ARAP2: variants seen among roughly 807,000 people sequenced by gnomAD.
The protein encoded by ARAP2 is ArfGAP with RhoGAP domain, ankyrin repeat and PH domain 2, also known as arf-GAP with Rho-GAP domain, ANK repeat and PH domain-containing protein 2.
ARAP2 carries 148 observed loss-of-function variants against 194.5 expected under a neutral mutation model. The ratio of observed to expected loss-of-function variants is 0.76; its 90% CI spans 0.67 to 0.87. The LOEUF (loss-of-function observed/expected upper bound fraction) is 0.87, where lower values mean the gene tolerates loss of function less well. Ranked by LOEUF, ARAP2 falls within the 40% of genes least tolerant of loss-of-function variation. ARAP2 has a pLI of 0.00. For synonymous variants in ARAP2, 695 were observed against 683.5 expected (o/e 1.02, Z -0.26); for missense variants, 2,128 against 1,989.7 (o/e 1.07, Z -1.32).
chr4:36,095,526 C>T (rs1221709534), intron 27 of ARAP2, among the ~76,000 whole-genome samples: 1 of 152,114 alleles, frequency 6.6e-6, no homozygotes, highest in African/African-American at 2.4e-5. Flanking sequence ...ACACTTTGTG[C>T]TCCTGTGTAC....
intron 19 of ARAP2, among the ~76,000 whole-genome samples, chr4:36,141,284 G>A (rs4569781): frequency 0.32 from 48,747 of 151,254 alleles, 8,925 homozygotes; most frequent in East Asian, 0.46. Context: ...AAAAGCACAG[G>A]ATCTAAGTCC....
Position 36,082,240 on chromosome 4 carries a change from T to C in ARAP2, c.4544+11A>G, listed in dbSNP as rs2109348787. 2 of 1,610,032 alleles carry C rather than the reference T, an allele frequency of 1.2e-6. No homozygotes were observed. The highest frequency in any genetic ancestry group is 1.7e-5 in the Admixed American group (1 of 59,702). On this transcript the variant is annotated intron_variant, in intron 30 of 32. Transcript: ENST00000303965. ...TATATTATGTCCAAAAGTTGTCAGCTGTTAACTTACCAGTGATGTTTCTCA... is the reference window on the plus strand; with the variant it reads ...TATATTATGTCCAAAAGTTGTCAGCCGTTAACTTACCAGTGATGTTTCTCA...
intron 6 of ARAP2, among the ~76,000 whole-genome samples, chr4:36,205,657 A>AT (rs1745388266): frequency 1.3e-5 from 2 of 152,226 alleles, no homozygotes; most frequent in South Asian, 4.1e-4. Context: ...AGTGAGGCCC[A>AT]AAGTTACCTA....
At chr4:36,020,890 T>C (rs969858686) in intron 5 of ARAP2, among the ~76,000 whole-genome samples, 2 of 152,286 alleles carry the variant, frequency 1.3e-5, no homozygotes, top group Non-Finnish European at 1.5e-5. Context: ...AAGTTTGGAA[T>C]AGTGAATGAT....
downstream of ARAP2, among the ~76,000 whole-genome samples, chr4:36,061,957 G>A (rs562269557): frequency 6.6e-5 from 10 of 152,246 alleles, no homozygotes; most frequent in African/African-American, 2.4e-4. Flanking sequence ...CTTTTAAGAA[G>A]GGTATATTCA....
chr4:36,241,723 CTT>C (rs1346382785), intron 1 of ARAP2, among the ~76,000 whole-genome samples: 2 of 152,162 alleles, frequency 1.3e-5, no homozygotes, highest in East Asian at 1.9e-4. Context: ...AAAAAAAACA[CTT>C]AAATTGTAAT....
Position 36,019,283 on chromosome 4 carries a change from T to A in ARAP2, n.611A>T, listed in dbSNP as rs961924510. 3 of 149,380 alleles carry A rather than the reference T, an allele frequency of 2.0e-5. 1 individual carries two copies. Among genetic ancestry groups the A allele is most frequent in the African/African-American group, 7.7e-5 (3 of 38,740 alleles). The allele number at this position is 149,380 out of a possible 1,614,324, so 9.3% of individuals were successfully genotyped here. A position where few individuals can be genotyped will look rare whatever the true frequency, so the allele number is the denominator to read the frequency against. On this transcript the variant is annotated non_coding_transcript_exon_variant, in exon 6 of 13. Coordinates refer to the ARAP2 transcript ENST00000503225. ...ACAGCGGCATTTTGCTGATGTATCA[T>A]ATACTGTTAATGGTTGGATATCACA... is the stretch of plus-strand genomic sequence containing the variant.
At chr4:36,051,716 C>G (rs1722699746) in intron 3 of ARAP2, among the ~76,000 whole-genome samples, 1 of 152,136 alleles carries the variant, frequency 6.6e-6, no homozygotes, top group African/African-American at 2.4e-5. Context: ...AATTATCCTT[C>G]TTGCTTTAAC....
intron 8 of ARAP2, among the ~76,000 whole-genome samples, chr4:36,186,992 G>A (rs546276176): frequency 7.2e-5 from 11 of 152,288 alleles, no homozygotes; most frequent in Non-Finnish European, 1.3e-4. Context: ...CCCCACCACC[G>A]GTTCATGGAA....
chr4:36,187,390 G>A (rs1327025162), intron 8 of ARAP2, 61 bp downstream of exon 8: 3 of 953,438 alleles, frequency 3.1e-6, no homozygotes, highest in Non-Finnish European at 4.3e-6. Flanking sequence ...AGTCTAACTG[G>A]TTTATTAATA....
At chr4:36,213,122 G>A (rs114642723) in intron 4 of ARAP2, 121 bp downstream of exon 4, 22,392 of 790,070 alleles carry the variant, frequency 0.028, 434 homozygotes, top group Middle Eastern at 0.061. Context: ...TTGCTGACTG[G>A]AAATTTCAAT....
intron 32 of ARAP2, among the ~76,000 whole-genome samples, chr4:36,072,804 C>T (rs572091038): frequency 2.3e-4 from 35 of 151,904 alleles, no homozygotes; most frequent in African/African-American, 8.2e-4. Context: ...AACAAAGGAC[C>T]ATTATTTTTG....
rs116127666 is a variant in ARAP2 at position 36,092,130 on chromosome 4, A to G, written c.4286-110T>C. ...TAGAAAAAATAAGAACTTGTTTACTACCGCTAAAGTCTAAGGTGAACTTCC... is the reference window on the plus strand; with the variant it reads ...TAGAAAAAATAAGAACTTGTTTACTGCCGCTAAAGTCTAAGGTGAACTTCC... On this transcript the variant is annotated intron_variant, in intron 27 of 32. Coordinates refer to ENST00000303965, the MANE Select transcript of ARAP2 (RefSeq NM_015230.4). 1,324 of 1,256,684 alleles carry G rather than the reference A, an allele frequency of 1.1e-3. 13 individuals are homozygous for G. In the African/African-American group the frequency reaches 0.018, roughly 17 times the overall value. The allele number at this position is 1,256,684 out of a possible 1,614,324, so 77.8% of individuals were successfully genotyped here.
At chr4:36,204,842 A>G (rs1209246066) in intron 6 of ARAP2, among the ~76,000 whole-genome samples, 2 of 151,948 alleles carry the variant, frequency 1.3e-5, no homozygotes, top group Admixed American at 6.5e-5. Flanking sequence ...TACAAAAATT[A>G]GCCAGGTGTG....
chr4:36,125,856 C>A (rs1180857858), intron 21 of ARAP2, among the ~76,000 whole-genome samples: 2 of 152,000 alleles, frequency 1.3e-5, no homozygotes, highest in African/African-American at 4.8e-5. Flanking sequence ...CCTCTCAATT[C>A]GCAACTATCT....
At chr4:36,196,948 C>T (rs1347589503) in intron 6 of ARAP2, among the ~76,000 whole-genome samples, 1 of 151,662 alleles carries the variant, frequency 6.6e-6, no homozygotes, top group Non-Finnish European at 1.5e-5. Context: ...CGTCATTTCA[C>T]CAAGTGACCA....
At chr4:36,088,560 T>C (rs1019127405) in intron 28 of ARAP2, among the ~76,000 whole-genome samples, 18 of 152,102 alleles carry the variant, frequency 1.2e-4, no homozygotes, top group African/African-American at 4.1e-4. Context: ...AAATGCAGTA[T>C]ATAATATGAA....
chr4:36,082,212 C>A, intron 30 of ARAP2, 39 bp downstream of exon 30: 1 of 1,572,408 alleles, frequency 6.4e-7, no homozygotes, highest in Non-Finnish European at 8.7e-7. Flanking sequence ...AAATTGTCAC[C>A]AATATATTAT....
chr4:36,120,484 C>G (rs1233640090), intron 23 of ARAP2, among the ~76,000 whole-genome samples: 1 of 151,552 alleles, frequency 6.6e-6, no homozygotes, highest in African/African-American at 2.4e-5. Flanking sequence ...AACAACTGGA[C>G]TCATAAACAC....
Sources: gnomAD v4.1 joint callset for allele counts (sites outside exome capture counted in the v4.1 genomes callset) on GRCh38, gnomAD v4.1.1 for gene constraint, MANE v1.5 for transcripts, NCBI Gene and HGNC (gene_info 2026-07-23, HGNC 2026-07-21) for gene names.